The following GRIN1 variants were observed in gnomAD, a reference collection of about 807,000 sequenced individuals.
GRIN1 encodes glutamate ionotropic receptor NMDA type subunit 1.
A neutral mutation model predicts 103.0 loss-of-function variants in GRIN1; 38 were observed. The observed-to-expected ratio is 0.37, with a 90% CI of 0.28 to 0.48. GRIN1 has a LOEUF of 0.48. GRIN1 is among the 20% of genes least tolerant of loss of function. GRIN1 has a pLI of 0.98. For synonymous variants in GRIN1, 544 were observed against 532.7 expected, an observed-to-expected ratio of 1.02 and a Z score of -0.29; for missense variants, 577 against 1,288.9, an observed-to-expected ratio of 0.45 and a Z score of 8.46.
chr9:137,141,977 C>G (rs540302736), intron 1 of GRIN1, 36 bp from the exon 2 acceptor site: 1 of 1,613,512 alleles, frequency 6.2e-7, no homozygotes, highest in South Asian at 1.1e-5. Flanking sequence ...CTGGCTCACC[C>G]CTGACTCAAG....
At chr9:137,159,825 C>A (rs1321629437) in intron 8 of GRIN1, among the ~76,000 whole-genome samples, 1 of 152,300 alleles carries the variant, frequency 6.6e-6, no homozygotes, top group East Asian at 1.9e-4. Flanking sequence ...GGTGGGCGGG[C>A]CTGCCCCCCT....
chr9:137,157,386 T>C (rs1181481278), intron 6 of GRIN1, among the ~76,000 whole-genome samples: 1 of 152,102 alleles, frequency 6.6e-6, no homozygotes, highest in African/African-American at 2.4e-5. Flanking sequence ...GGCACAATCA[T>C]CTGCCCTCTT....
At chr9:137,150,646 A>C (rs193153056) in intron 4 of GRIN1, among the ~76,000 whole-genome samples, 1,776 of 116,862 alleles carry the variant, frequency 0.015, 45 homozygotes, top group African/African-American at 0.055. Context: ...CAGAAAAAAG[A>C]CCAGCCCAAG....
At chr9:137,154,279 C>A (rs1833089852) in intron 4 of GRIN1, among the ~76,000 whole-genome samples, 1 of 150,564 alleles carries the variant, frequency 6.6e-6, no homozygotes, top group South Asian at 2.1e-4. Context: ...TGCAGGCCAC[C>A]ATGCCTGGCT....
At position 137,146,920 on chromosome 9, in the gene GRIN1, T is replaced by C. The variant is rs1356400053; in HGVS notation, c.570+1018T>C. Among the ~76,000 whole-genome samples, 3 of 151,720 alleles carry C rather than the reference T, an allele frequency of 2.0e-5. No individual in the cohort carries two copies. The highest frequency in any genetic ancestry group is 4.4e-5 in the Non-Finnish European group (3 of 67,866). On this transcript the variant is annotated intron_variant, in intron 3 of 19. Transcript: ENST00000371561. The surrounding 1 kb of genome is among the most constrained non-coding windows in gnomAD (Gnocchi z 6.7). ...GCAGACCAGAGGGTCCTGGGAGTAC[T>C]GTCGTGGGGGGTCTGCTGAGTCTTG...
rs760458486 is a variant in GRIN1, at chr9:137,147,655, G to C, written c.571-1354G>C. Among the ~76,000 whole-genome samples the C allele has an allele frequency of 3.9e-4, 60 of 152,364 alleles. 1 individual carries two copies. Among genetic ancestry groups the C allele is most frequent in the Non-Finnish European group, 5.0e-4 (34 of 68,028 alleles). On this transcript the variant is annotated intron_variant, in intron 3 of 19. Coordinates refer to ENST00000371561, the MANE Select transcript of GRIN1 (RefSeq NM_007327.4). ...CACACACCCTCTTGGGCGCATATGC[G>C]AGCCGAAGGGCGTGGGCACCCCAGT...
At chr9:137,147,058 C>A (rs1422396283) in intron 3 of GRIN1, among the ~76,000 whole-genome samples, 1 of 147,624 alleles carries the variant, frequency 6.8e-6, no homozygotes, top group Non-Finnish European at 1.5e-5. Flanking sequence ...CAGCACCCGA[C>A]AGGCCCCTCA....
intron 18 of GRIN1, 133 bp downstream of exon 18, chr9:137,164,037 C>T: frequency 9.0e-7 from 1 of 1,107,242 alleles, no homozygotes; most frequent in Non-Finnish European, 1.4e-6. Flanking sequence ...TGGCCAGGGG[C>T]AGTGGTGAGT....
chr9:137,140,820 A>C (rs1179230314), intron 1 of GRIN1, among the ~76,000 whole-genome samples: 1 of 152,216 alleles, frequency 6.6e-6, no homozygotes, highest in Admixed American at 6.5e-5. Context: ...GGCTGGAAGC[A>C]AGAGCTGGGG....
chr9:137,139,763 G>A lies in GRIN1; in HGVS notation c.258+19G>A, dbSNP rs1447155507. ...CAGCCAGGTGCCCTCCCCCACCTCC[G>A]CCACCCACCTCCCCTCTCCTCCATC... is the stretch of plus-strand genomic sequence containing the variant. On this transcript the variant is annotated intron_variant, in intron 1 of 19. Transcript: ENST00000371561. The surrounding 1 kb of genome is among the most constrained non-coding windows in gnomAD (Gnocchi z 7.7). 8.4e-6 allele frequency: 13 copies of A among 1,552,092 alleles called. No individual in the cohort carries two copies. The highest frequency in any genetic ancestry group is 1.7e-4 in the Middle Eastern group (1 of 5,954).
At chr9:137,157,860 CAT>C (rs1172829200) in intron 6 of GRIN1, among the ~76,000 whole-genome samples, 8 of 152,196 alleles carry the variant, frequency 5.3e-5, no homozygotes, top group African/African-American at 1.2e-4. Context: ...ACATGACACA[CAT>C]GTGACACAAG....
chr9:137,152,728 C>T (rs1457044477), intron 4 of GRIN1, among the ~76,000 whole-genome samples: 2 of 152,128 alleles, frequency 1.3e-5, no homozygotes, highest in Non-Finnish European at 2.9e-5. Context: ...ATGGTCAGGG[C>T]ACACAGGAAC....
intron 3 of GRIN1, 73 bp downstream of exon 3, chr9:137,145,975 C>CACACACGGAGCCACAGA: frequency 9.3e-7 from 1 of 1,076,914 alleles, no homozygotes. Context: ...GTCTGTGGCT[C>CACACACGGAGCCACAGA]CGTGTGTGAC....
rs1358516684 is a variant in GRIN1, at chr9:137,139,495, C to T, written c.9C>T (p.Thr3=). 50 of 1,594,494 alleles carry T rather than the reference C, an allele frequency of 3.1e-5. No homozygotes were observed. Among genetic ancestry groups the T allele is most frequent in the Non-Finnish European group, 4.0e-5 (47 of 1,171,174 alleles). ...GCCCGCGGCCCGAGCCCATGAGCAC[C>T]ATGCGCCTGCTGACGCTCGCCCTGC... MS[T]MRLLTLALLF... is the part of the protein sequence containing the mutation. Residue 3 remains threonine (T), a synonymous_variant, in exon 1 of 20, where the codon ACC becomes ACT. Coordinates refer to ENST00000371561, the MANE Select transcript of GRIN1 (RefSeq NM_007327.4). The surrounding 1 kb of genome is among the most constrained non-coding windows in gnomAD (Gnocchi z 7.7).
At position 137,139,386 on chromosome 9, in the gene GRIN1, C is replaced by T; in HGVS notation, c.-101C>T. 2.6e-6 allele frequency: 2 copies of T among 762,758 alleles called. No individual in the cohort carries two copies. Among genetic ancestry groups the T allele is most frequent in the Non-Finnish European group, 3.5e-6 (2 of 574,996 alleles). 47.2% of individuals were successfully genotyped at this position (762,758 alleles called of 1,614,324 possible). Reference sequence around the variant, plus strand: ...CGGGGGAGACGTGGCGTCCGCAGCCCGCGGGGCCGGGCGAGCGCAGGACGG... The same window carrying T: ...CGGGGGAGACGTGGCGTCCGCAGCCTGCGGGGCCGGGCGAGCGCAGGACGG... On this transcript the variant is annotated 5_prime_UTR_variant, in exon 1 of 20. Coordinates refer to ENST00000371561, the MANE Select transcript of GRIN1 (RefSeq NM_007327.4). This position sits in a 1 kb window ranked among gnomAD's most constrained non-coding sequence, Gnocchi z 7.7.
chr9:137,151,086 A>ACCCGCCCAGGGAAAGC, intron 4 of GRIN1, among the ~76,000 whole-genome samples: 1 of 68,498 alleles, frequency 1.5e-5, no homozygotes, highest in Non-Finnish European at 2.9e-5. Flanking sequence ...CAGAAAAAAA[A>ACCCGCCCAGGGAAAGC]CCCGCCCAGG....
rs532583613 is a variant in GRIN1 at position 137,146,038 on chromosome 9, C to T, written c.570+136C>T. ...AGCACCACCACGTCTGGCGAGCGCC[C>T]GCCCCAGCCTGTCCTCGGCTCATTT... On this transcript the variant is annotated intron_variant, in intron 3 of 19. Transcript: ENST00000371561. This position sits in a 1 kb window ranked among gnomAD's most constrained non-coding sequence, Gnocchi z 6.7. 53 of 661,250 alleles carry T rather than the reference C, an allele frequency of 8.0e-5. No individual in the cohort carries two copies. The East Asian group carries it at 1.4e-3, about 17-fold the overall frequency. 41.0% of individuals were successfully genotyped at this position (661,250 alleles called of 1,614,324 possible). A position where few individuals can be genotyped will look rare whatever the true frequency, so the allele number is the denominator to read the frequency against.
rs149053552 is a variant in GRIN1 at position 137,163,637 on chromosome 9, C to A, written c.2412C>A (p.Ala804=). ...RYQECDSRSN[A]PATLTFENMA... ...AGGAATGTGACTCGCGCAGCAACGC[C>A]CCTGCGACCCTTACTTTTGAGAACA... is the stretch of plus-strand genomic sequence containing the variant. Residue 804 remains alanine, a synonymous_variant, in exon 17 of 20, where the codon GCC becomes GCA. Transcript: ENST00000371561. The A allele has an allele frequency of 1.2e-6, 2 of 1,613,584 alleles. No homozygotes were observed. Among genetic ancestry groups the A allele is most frequent in the African/African-American group, 2.7e-5 (2 of 75,026 alleles).
chr9:137,167,281 G>C, intron 19 of GRIN1, 130 bp from the exon 20 acceptor site: 2 of 733,752 alleles, frequency 2.7e-6, no homozygotes, highest in South Asian at 3.2e-5. Context: ...GGTGGGGTCA[G>C]TCCGGCTGCG....
Sources: allele counts gnomAD v4.1 joint callset (sites outside exome capture counted in the v4.1 genomes callset), GRCh38; gene constraint gnomAD v4.1.1; non-coding constraint Gnocchi (gnomAD v3.1); transcripts MANE v1.5; gene names NCBI Gene and HGNC (gene_info 2026-07-23, HGNC 2026-07-21).